Variants in CSNK1A1 observed in about 807,000 individuals in gnomAD.
CSNK1A1 encodes the protein casein kinase I isoform alpha.
CSNK1A1 carries 7 observed loss-of-function variants against 46.1 expected under a neutral mutation model. The ratio of observed to expected loss-of-function variants is 0.15; its 90% CI spans 0.09 to 0.29. The LOEUF is 0.29. CSNK1A1 is among the 10% of genes least tolerant of loss of function. The pLI, the probability that CSNK1A1 is intolerant of heterozygous loss-of-function variation, is 1.00. For missense variants in CSNK1A1, 96 were observed against 417.1 expected, an observed-to-expected ratio of 0.23 and a Z score of 6.71; for synonymous variants, 137 against 141.5, an observed-to-expected ratio of 0.97 and a Z score of 0.23.
At chr5:149,541,403 T>C (rs1324934998) in intron 2 of CSNK1A1, among the ~76,000 whole-genome samples, 1 of 152,060 alleles carries the variant, frequency 6.6e-6, no homozygotes, top group Non-Finnish European at 1.5e-5. Context: ...TCCGCCCGCC[T>C]TGGCCTCCCA....
chr5:149,536,552 C>A (rs1219076151), intron 2 of CSNK1A1, among the ~76,000 whole-genome samples: 3 of 151,946 alleles, frequency 2.0e-5, no homozygotes, highest in African/African-American at 4.8e-5. Flanking sequence ...GTTTGTTTTA[C>A]GTAGCAAATA....
chr5:149,535,424 C>T (rs949542341), intron 2 of CSNK1A1, among the ~76,000 whole-genome samples: 2 of 152,126 alleles, frequency 1.3e-5, no homozygotes, highest in Non-Finnish European at 2.9e-5. Flanking sequence ...AAAGCCATTA[C>T]CACCCACCAT....
chr5:149,545,547 G>C, intron 2 of CSNK1A1: 1 of 674,300 alleles, frequency 1.5e-6, no homozygotes, highest in Non-Finnish European at 2.7e-6. Flanking sequence ...GCTTGGGGTG[G>C]ACAATGTAGG....
At chr5:149,510,579 A>C (rs764107554) in intron 6 of CSNK1A1, among the ~76,000 whole-genome samples, 3 of 152,054 alleles carry the variant, frequency 2.0e-5, no homozygotes, top group Admixed American at 6.5e-5. Flanking sequence ...CTGGGCTCAA[A>C]GCAATCCTCC....
intron 9 of CSNK1A1, chr5:149,497,528 C>A: frequency 1.0e-6 from 1 of 985,578 alleles, no homozygotes; most frequent in Non-Finnish European, 1.2e-6. Flanking sequence ...CACAAGTAGA[C>A]CCTAGGGCCT....
intron 2 of CSNK1A1, among the ~76,000 whole-genome samples, chr5:149,531,548 G>GA (rs920043495): frequency 7.6e-5 from 11 of 144,374 alleles, no homozygotes; most frequent in South Asian, 2.2e-4. Flanking sequence ...AAAAGAAAAA[G>GA]AAAAAAAATC....
At chr5:149,502,552 G>T (rs984523506) in intron 9 of CSNK1A1, 4 of 382,290 alleles carry the variant, frequency 1.0e-5, no homozygotes, top group African/African-American at 9.1e-5. Flanking sequence ...GATGTTGGAG[G>T]GAGCTGGGAC....
chr5:149,502,713 A>C, intron 9 of CSNK1A1: 2 of 984,972 alleles, frequency 2.0e-6, no homozygotes, highest in Non-Finnish European at 2.4e-6. Flanking sequence ...GGATGTTTTC[A>C]TCATTATTAA....
At chr5:149,537,769 T>TTTTTTTTTTTTTTTTTTTTTTAG (rs1452050746) in intron 2 of CSNK1A1, among the ~76,000 whole-genome samples, 1 of 147,746 alleles carries the variant, frequency 6.8e-6, no homozygotes, top group Non-Finnish European at 1.5e-5. Context: ...TGAATAGTCT[T>TTTTTTTTTTTTTTTTTTTTTTAG]AACGGGGTCC....
chr5:149,511,210 T>A (rs142379457), intron 6 of CSNK1A1, among the ~76,000 whole-genome samples: 1 of 152,184 alleles, frequency 6.6e-6, no homozygotes, highest in East Asian at 1.9e-4. Context: ...GTTCCTGTAG[T>A]CCCAGCTACA....
chr5:149,501,593 ATAT>A (rs1487894441), intron 9 of CSNK1A1: 12 of 985,208 alleles, frequency 1.2e-5, no homozygotes, highest in Non-Finnish European at 1.4e-5. Context: ...AGAGCTGTCT[ATAT>A]TATTATGATA....
chr5:149,540,093 G>C (rs558905410), intron 2 of CSNK1A1, among the ~76,000 whole-genome samples: 56 of 152,132 alleles, frequency 3.7e-4, no homozygotes, highest in Non-Finnish European at 6.5e-4. Context: ...CAGAGAACAA[G>C]AGGCATCTTT....
chr5:149,507,184 A>G (rs1001106591), intron 7 of CSNK1A1, 51 bp from the exon 8 acceptor site: 1 of 1,362,888 alleles, frequency 7.3e-7, no homozygotes, highest in African/African-American at 1.5e-5. Context: ...TTCAAGATAG[A>G]AAAATAAATG....
chr5:149,536,765 A>C (rs1458582119), intron 2 of CSNK1A1, among the ~76,000 whole-genome samples: 1 of 152,226 alleles, frequency 6.6e-6, no homozygotes, highest in Non-Finnish European at 1.5e-5. Flanking sequence ...TAAGTCCTTC[A>C]GTGACCAGAC....
At chr5:149,546,515 C>T (rs1044566869) in intron 2 of CSNK1A1, among the ~76,000 whole-genome samples, 3 of 151,856 alleles carry the variant, frequency 2.0e-5, no homozygotes, top group Admixed American at 2.0e-4. Context: ...TGCCTGTAGT[C>T]CCAGCTACTC....
Position 149,496,483 on chromosome 5 carries a change from T to C in CSNK1A1, c.*370A>G. 4.6e-6 allele frequency: 1 copy of C among 215,498 alleles called. No homozygotes were observed. Among genetic ancestry groups the C allele is most frequent in the Non-Finnish European group, 9.2e-6 (1 of 108,658 alleles). 13.3% of individuals were successfully genotyped at this position (215,498 alleles called of 1,614,324 possible). ...GACTGTTCATGCCGTTCTTCTGAAA[T>C]GAGATCTCAAAGCAGTATAGTTCAA... On this transcript the variant is annotated 3_prime_UTR_variant, in exon 10 of 10. Transcript: ENST00000377843.
chr5:149,500,047 C>T (rs1173317395), intron 9 of CSNK1A1, among the ~76,000 whole-genome samples: 1 of 140,906 alleles, frequency 7.1e-6, no homozygotes, highest in African/African-American at 2.7e-5. Flanking sequence ...CCGCCCACTA[C>T]AAGCTCCGTC....
In CSNK1A1 at chr5:149,494,847, A is replaced by G. The variant is rs1200948508; in HGVS notation, c.*2006T>C. 2.6e-5 allele frequency: 4 copies of G among 152,262 alleles called. No individual in the cohort carries two copies. The highest frequency in any genetic ancestry group is 4.4e-5 in the Non-Finnish European group (3 of 68,056). The allele number at this position is 152,262 out of a possible 1,614,324, so 9.4% of individuals were successfully genotyped here. A position where few individuals can be genotyped will look rare whatever the true frequency, so the allele number is the denominator to read the frequency against. On this transcript the variant is annotated 3_prime_UTR_variant, in exon 10 of 10. Transcript: ENST00000377843. ...CCTTTTCAAATGGCAAAAATACAAA[A>G]AAGTGTTACAAAAATATTTCAGAAA...
chr5:149,508,297 A>G lies in CSNK1A1; in HGVS notation c.751-1164T>C, dbSNP rs1390147167. On this transcript the variant is annotated intron_variant, in intron 7 of 9. Coordinates refer to ENST00000377843, the MANE Select transcript of CSNK1A1 (RefSeq NM_001892.6). Reference sequence around the variant, plus strand: ...TATGTTAAAAGATGTAAAATAATACATATTATACATCTTTCTAAAACTCAA... The same window carrying G: ...TATGTTAAAAGATGTAAAATAATACGTATTATACATCTTTCTAAAACTCAA... 2.0e-5 allele frequency among the ~76,000 whole-genome samples: 3 copies of G among 152,202 alleles called. No individual in the cohort carries two copies. The East Asian group carries it at 5.8e-4, about 29-fold the overall frequency.
Sources: gnomAD v4.1 joint callset for allele counts (sites outside exome capture counted in the v4.1 genomes callset) on GRCh38, gnomAD v4.1.1 for gene constraint, MANE v1.5 for transcripts, NCBI Gene and HGNC (gene_info 2026-07-23, HGNC 2026-07-21) for gene names.